The following LPA variants were observed in gnomAD, a reference collection of about 807,000 sequenced individuals.
The protein encoded by LPA is apolipoprotein(a).
LPA carries 199 observed loss-of-function variants against 197.9 expected under a neutral mutation model. The ratio of observed to expected loss-of-function variants is 1.01; its 90% CI spans 0.90 to 1.13. The LOEUF is 1.13. Among genes scored for constraint, LPA ranks in the 50% most tolerant of loss-of-function variants. The pLI, the probability that LPA is intolerant of heterozygous loss-of-function variation, is 0.00. For synonymous variants in LPA, 715 were observed against 639.5 expected (o/e 1.12, Z -1.78); for missense variants, 1,853 against 1,785.8 (o/e 1.04, Z -0.68).
intron 26 of LPA, among the ~76,000 whole-genome samples, chr6:160,579,662 C>G (rs931610569): frequency 1.1e-4 from 17 of 152,164 alleles, no homozygotes; most frequent in Admixed American, 1.0e-3. Context: ...GTTGCTCCAA[C>G]CTCTCAGAAT....
intron 28 of LPA, among the ~76,000 whole-genome samples, chr6:160,576,119 A>G (rs1018171027): frequency 1.3e-5 from 2 of 151,780 alleles, no homozygotes; most frequent in African/African-American, 4.8e-5. Flanking sequence ...CAGTATTTTC[A>G]TATATTTTAT....
intron 7 of LPA, among the ~76,000 whole-genome samples, chr6:160,634,648 C>A (rs1582892985): frequency 6.6e-6 from 1 of 151,146 alleles, no homozygotes; most frequent in African/African-American, 2.5e-5. Context: ...TATACTGCTC[C>A]ATAGACCCAG....
At chr6:160,584,202 TC>T (rs1305896355) in intron 26 of LPA, among the ~76,000 whole-genome samples, 3 of 121,320 alleles carry the variant, frequency 2.5e-5, no homozygotes, top group Non-Finnish European at 5.1e-5. Context: ...TTCTTCTTCT[TC>T]TTCTTCTTCT....
Position 160,599,600 on chromosome 6 carries a change from G to A in LPA, c.3187C>T (p.Arg1063Ter), listed in dbSNP as rs199952286. The change falls in exon 20 of 39, where the codon CGA becomes TGA. Residue 1063 changes from arginine to a stop codon, truncating the protein, a stop_gained. Coordinates refer to ENST00000316300, the MANE Select transcript of LPA (RefSeq NM_005577.4). LOFTEE classifies it high-confidence loss of function. ...GTGACAGTGGTGGAGTATGTGCCTC[G>A]GTAACTCTGTCCATAATGGTAGTAG... ...DCYYHYGQSY[R>*]GTYSTTVTGR... 2.5e-5 allele frequency: 41 copies of A among 1,613,956 alleles called. No homozygotes were observed. In the African/African-American group the frequency reaches 3.5e-4, roughly 14 times the overall value.
chr6:160,579,642 T>C (rs1240461251), intron 26 of LPA, among the ~76,000 whole-genome samples: 3 of 152,126 alleles, frequency 2.0e-5, no homozygotes, highest in African/African-American at 7.2e-5. Flanking sequence ...CCATTATGCC[T>C]CCCAAGAACG....
In LPA at chr6:160,594,109, C is replaced by T. The variant is rs757541794; in HGVS notation, c.3478G>A (p.Glu1160Lys). 3 of 1,613,786 alleles carry T rather than the reference C, an allele frequency of 1.9e-6. No individual in the cohort carries two copies. The highest frequency in any genetic ancestry group is 1.7e-6 in the Non-Finnish European group (2 of 1,179,808). Residue 1160 changes from glutamate to lysine, a missense_variant, in exon 22 of 39, where the codon GAG (glutamate) becomes AAG (lysine). Physicochemically the swap from Glu to Lys is moderately conservative, Grantham distance 56. Coordinates refer to ENST00000316300, the MANE Select transcript of LPA (RefSeq NM_005577.4). ...TEASSEEAPT[E>K]QSPGVQDCYH... The stretch of plus-strand genomic sequence containing the variant: ...CAATCCTGGACCCCGGGGCTTTGCT[C>T]CGTTGGTGCTGAAATTCAAAGAGGA...
chr6:160,646,955 T>C (rs1349331661), intron 2 of LPA, among the ~76,000 whole-genome samples: 1 of 152,104 alleles, frequency 6.6e-6, no homozygotes, highest in Non-Finnish European at 1.5e-5. Flanking sequence ...GCTCTACCTT[T>C]CCCATGGAAA....
intron 27 of LPA, among the ~76,000 whole-genome samples, chr6:160,578,114 C>T (rs1449127166): frequency 6.6e-6 from 1 of 152,124 alleles, no homozygotes; most frequent in Non-Finnish European, 1.5e-5. Context: ...TACTCAAAGG[C>T]CATGTTCTTA....
intron 28 of LPA, among the ~76,000 whole-genome samples, chr6:160,576,394 A>ATATATATATATATGTG (rs1778673423): frequency 9.3e-5 from 5 of 53,752 alleles, no homozygotes; most frequent in Admixed American, 3.1e-4. Context: ...ATATATGTAT[A>ATATATATATATATGTG]TATATATATA....
At chr6:160,612,565 A>C (rs6899587) in intron 15 of LPA, among the ~76,000 whole-genome samples, 1,629 of 2,070 alleles carry the variant, frequency 0.79, 803 homozygotes, top group Middle Eastern at 1. Context: ...ATTGCTCTGA[A>C]TGCTGGCTAC....
intron 25 of LPA, among the ~76,000 whole-genome samples, chr6:160,585,857 A>T (rs1427841185): frequency 1.3e-5 from 2 of 152,136 alleles, no homozygotes; most frequent in African/African-American, 4.8e-5. Context: ...TAAATGTTCC[A>T]TGAGAAGCAG....
chr6:160,610,054 C>T (rs1028950742), intron 16 of LPA, among the ~76,000 whole-genome samples: 2 of 152,036 alleles, frequency 1.3e-5, no homozygotes, highest in Non-Finnish European at 2.9e-5. Flanking sequence ...TATCTGAAAT[C>T]AGTTATCATA....
At chr6:160,647,765 C>T (rs1435443285) in intron 2 of LPA, among the ~76,000 whole-genome samples, 4 of 152,186 alleles carry the variant, frequency 2.6e-5, no homozygotes, top group Non-Finnish European at 2.9e-5. Context: ...ATTTATGCTA[C>T]ATGTTCAAAT....
At chr6:160,634,505 A>G in intron 7 of LPA, among the ~76,000 whole-genome samples, 1 of 137,686 alleles carries the variant, frequency 7.3e-6, no homozygotes, top group Non-Finnish European at 1.5e-5. Context: ...AATTGCAGTA[A>G]AGGAGAAGTC....
intron 19 of LPA, 143 bp from the exon 20 acceptor site, chr6:160,599,802 A>C: frequency 1.2e-6 from 1 of 842,044 alleles, no homozygotes; most frequent in Non-Finnish European, 1.9e-6. Context: ...TGGACATGAG[A>C]AAACACACAA....
chr6:160,658,585 T>C (rs181217866), intron 1 of LPA, among the ~76,000 whole-genome samples: 4 of 152,316 alleles, frequency 2.6e-5, no homozygotes, highest in East Asian at 1.9e-4. Flanking sequence ...GTATTATGTA[T>C]AGAGTCACTA....
At position 160,584,237 on chromosome 6, in the gene LPA, T is replaced by TTCTTCTTCTTCTTCCTCC. The variant is rs1554235539; in HGVS notation, c.4289+808_4289+809insGGAGGAAGAAGAAGAAGA. On this transcript the variant is annotated intron_variant, in intron 26 of 38. Transcript: ENST00000316300. ...CTTCTTCTTCTTCTTCTTCTTCTTC[T>TTCTTCTTCTTCTTCCTCC]TCCTCCTCCTCCTCCTCCTCCTCTT... Among the ~76,000 whole-genome samples, 179 of 69,238 alleles carry TTCTTCTTCTTCTTCCTCC rather than the reference T, an allele frequency of 2.6e-3. 1 individual carries two copies. The highest frequency in any genetic ancestry group is 0.01 in the East Asian group (17 of 1,668). The allele number at this position is 69,238 out of a possible 152,430, so 45.4% of individuals were successfully genotyped here.
intron 28 of LPA, among the ~76,000 whole-genome samples, chr6:160,557,862 C>T (rs555002970): frequency 7.2e-5 from 11 of 152,078 alleles, no homozygotes; most frequent in African/African-American, 2.2e-4. Context: ...ATATCTTCCT[C>T]CTTCTGCCAA....
In LPA at chr6:160,532,515, A is replaced by G. The variant is rs1777822638; in HGVS notation, c.5961+16T>C. The G allele has an allele frequency of 6.5e-7, 1 of 1,550,290 alleles. No homozygotes were observed. Among genetic ancestry groups the G allele is most frequent in the African/African-American group, 1.4e-5 (1 of 73,544 alleles). Reference sequence around the variant, plus strand: ...ACGGGAGAGCACAAGACTTTGATCTATTGATCTTTTCTTACCTGGCAACTG... The same window carrying G: ...ACGGGAGAGCACAAGACTTTGATCTGTTGATCTTTTCTTACCTGGCAACTG... On this transcript the variant is annotated intron_variant, in intron 38 of 38. Transcript: ENST00000316300.
Sources: allele counts gnomAD v4.1 joint callset (sites outside exome capture counted in the v4.1 genomes callset), GRCh38; gene constraint gnomAD v4.1.1; transcripts MANE v1.5; gene names NCBI Gene and HGNC (gene_info 2026-07-23, HGNC 2026-07-21).